The following ZNF146 variants were observed in gnomAD, a reference collection of about 807,000 sequenced individuals.
ZNF146 encodes zinc finger protein OZF.
Under a neutral mutation model 22.2 loss-of-function variants are expected in ZNF146, and 9 were observed. The observed-to-expected ratio is 0.41, with a 90% CI of 0.24 to 0.71. ZNF146 has a LOEUF of 0.71. Ranked by LOEUF, ZNF146 falls within the 30% of genes least tolerant of loss-of-function variation. The probability of loss-of-function intolerance (pLI) is 0.34; values close to 1 mark genes in which losing one functional copy is unlikely to be tolerated. For synonymous variants in ZNF146, 108 were observed against 119.2 expected (o/e 0.91, Z 0.61); for missense variants, 194 against 344.8 (o/e 0.56, Z 3.46).
chr19:36,220,670 A>C (rs933575965), intron 2 of ZNF146, among the ~76,000 whole-genome samples: 6 of 152,140 alleles, frequency 3.9e-5, no homozygotes, highest in Admixed American at 2.6e-4. Flanking sequence ...CCGGCCTCCT[A>C]GTTGTATTTT....
At chr19:36,217,048 T>C (rs2438515) in intron 1 of ZNF146, among the ~76,000 whole-genome samples, 2 of 139,262 alleles carry the variant, frequency 1.4e-5, no homozygotes, top group Admixed American at 7.7e-5. Flanking sequence ...GGACAGCCAG[T>C]CCCTGTCTTT....
At chr19:36,224,091 G>C (rs1409849595) in intron 2 of ZNF146, among the ~76,000 whole-genome samples, 3 of 151,976 alleles carry the variant, frequency 2.0e-5, no homozygotes, top group African/African-American at 7.3e-5. Context: ...TTATTAAAAG[G>C]TCTTACCTGG....
rs559376572 is a variant in ZNF146, at chr19:36,217,903, T to A, written c.-928-219T>A. On this transcript the variant is annotated intron_variant, in intron 1 of 3. Coordinates refer to ENST00000443387, the MANE Select transcript of ZNF146 (RefSeq NM_007145.3). The stretch of plus-strand genomic sequence containing the variant: ...TCCATCTCAAAAAAAAAAAAAAAAA[T>A]TCAAAAGATACATACGAAATAATAA... Among the ~76,000 whole-genome samples the A allele has an allele frequency of 1.8e-3, 248 of 141,306 alleles. 1 individual carries two copies. The highest frequency in any genetic ancestry group is 3.7e-3 in the Middle Eastern group (1 of 272). The allele number at this position is 141,306 out of a possible 152,430, so 92.7% of individuals were successfully genotyped here.
At chr19:36,222,951 G>A (rs1263425576) in intron 2 of ZNF146, among the ~76,000 whole-genome samples, 1 of 151,472 alleles carries the variant, frequency 6.6e-6, no homozygotes, top group Non-Finnish European at 1.5e-5. Flanking sequence ...TGAGCACAGA[G>A]ACATCCCCGC....
At chr19:36,223,168 G>A (rs1286939355) in intron 2 of ZNF146, among the ~76,000 whole-genome samples, 1 of 151,714 alleles carries the variant, frequency 6.6e-6, no homozygotes, top group Non-Finnish European at 1.5e-5. Context: ...TGTAATCCCA[G>A]CACTTTGGGA....
intron 1 of ZNF146, among the ~76,000 whole-genome samples, chr19:36,215,677 CGA>C (rs1976572031): frequency 6.6e-6 from 1 of 151,076 alleles, no homozygotes; most frequent in Non-Finnish European, 1.5e-5. Flanking sequence ...TTTAATTAAA[CGA>C]GAGTGTTTCG....
intron 3 of ZNF146, among the ~76,000 whole-genome samples, chr19:36,235,308 T>G (rs2145464959): frequency 6.6e-6 from 1 of 152,346 alleles, no homozygotes; most frequent in South Asian, 2.1e-4. Context: ...TTGGCAATTC[T>G]TCATTATTTG....
chr19:36,221,736 G>GT (rs370234883), intron 2 of ZNF146, among the ~76,000 whole-genome samples: 24 of 150,004 alleles, frequency 1.6e-4, no homozygotes, highest in Non-Finnish European at 2.7e-4. Flanking sequence ...AACATGTCTT[G>GT]TTTTTTTTTG....
chr19:36,215,401 A>G (rs996758740), intron 1 of ZNF146, among the ~76,000 whole-genome samples: 1 of 151,780 alleles, frequency 6.6e-6, no homozygotes, highest in Non-Finnish European at 1.5e-5. Flanking sequence ...GGGATTGTTG[A>G]GTGAATGTGA....
intron 1 of ZNF146, among the ~76,000 whole-genome samples, chr19:36,216,146 A>AT (rs1363371160): frequency 6.6e-6 from 1 of 152,226 alleles, no homozygotes; most frequent in African/African-American, 2.4e-5. Flanking sequence ...TAATTTACAA[A>AT]TATCAGTTAG....
Position 36,236,490 on chromosome 19 carries a change from C to G in ZNF146, c.50C>G (p.Ala17Gly), listed in dbSNP as rs1977649445. 6.2e-7 allele frequency: 1 copy of G among 1,613,784 alleles called. No individual in the cohort carries two copies. The highest frequency in any genetic ancestry group is 1.1e-5 in the South Asian group (1 of 91,012). Residue 17 changes from alanine to glycine, a missense_variant, in exon 4 of 4, where the codon GCC becomes GGC. Coordinates refer to ENST00000443387, the MANE Select transcript of ZNF146 (RefSeq NM_007145.3). ...ATTTACAGTGGGGAAAACCCCTTTG[C>G]CTGTAAGGTATGTGGAAAAGTCTTC... The part of the protein sequence containing the change: ...QRIYSGENPF[A>G]CKVCGKVFSH...
intron 3 of ZNF146, among the ~76,000 whole-genome samples, chr19:36,235,207 C>CA (rs112972407): frequency 0.1 from 12,415 of 121,446 alleles, 702 homozygotes; most frequent in East Asian, 0.36. Context: ...AATTCCGTCT[C>CA]AAAAAAAAAA....
intron 2 of ZNF146, among the ~76,000 whole-genome samples, chr19:36,222,277 G>T (rs1251595822): frequency 6.6e-6 from 1 of 152,080 alleles, no homozygotes; most frequent in Non-Finnish European, 1.5e-5. Flanking sequence ...TTCAGCTGCT[G>T]TATAAATAAG....
rs548387202 is a variant in ZNF146, at chr19:36,221,445, C to T, written c.-855+3250C>T. 7.9e-5 allele frequency among the ~76,000 whole-genome samples: 12 copies of T among 151,994 alleles called. No individual in the cohort carries two copies. The South Asian group carries it at 1.9e-3, about 24-fold the overall frequency. On this transcript the variant is annotated intron_variant, in intron 2 of 3. Coordinates refer to ENST00000443387, the MANE Select transcript of ZNF146 (RefSeq NM_007145.3). ...CTGGGACTATAGGTGTCAGCCACCA[C>T]GCCCGGCTAATTTTTTGTATTTTTA... is the stretch of plus-strand genomic sequence containing the variant.
intron 1 of ZNF146, among the ~76,000 whole-genome samples, chr19:36,217,511 T>C (rs1174005946): frequency 2.6e-5 from 4 of 152,160 alleles, no homozygotes. Context: ...CTTTATATAC[T>C]GAGACAGAAA....
Position 36,223,342 on chromosome 19 carries a change from C to CAA in ZNF146, c.-855+5161_-855+5162dup, listed in dbSNP as rs375158030. Reference sequence around the variant, plus strand: ...TGGGCAACAGAGTGAGACTCCGTCTCAAAAAAAAAAAAAAATCTAGTTACA... The same window carrying CAA: ...TGGGCAACAGAGTGAGACTCCGTCTCAAAAAAAAAAAAAAAAATCTAGTTACA... On this transcript the variant is annotated intron_variant, in intron 2 of 3. Coordinates refer to ENST00000443387, the MANE Select transcript of ZNF146 (RefSeq NM_007145.3). 6.8e-4 allele frequency among the ~76,000 whole-genome samples: 90 copies of CAA among 131,766 alleles called. 1 individual carries two copies. In the Middle Eastern group the frequency reaches 0.012, roughly 17 times the overall value. 86.4% of individuals were successfully genotyped at this position (131,766 alleles called of 152,430 possible).
intron 2 of ZNF146, among the ~76,000 whole-genome samples, chr19:36,226,186 C>T (rs1255326340): frequency 6.6e-6 from 1 of 152,182 alleles, no homozygotes; most frequent in Non-Finnish European, 1.5e-5. Flanking sequence ...ACTGCCTAAT[C>T]GATCTCTCTG....
chr19:36,236,320 C>A lies in ZNF146; in HGVS notation c.-121C>A. On this transcript the variant is annotated 5_prime_UTR_variant, in exon 4 of 4. Transcript: ENST00000443387. ...CTTACTCTGCATTTGGGAGATCATACACAGAGAAGCCTTATAAATGTAAGA... is the reference window on the plus strand; with the variant it reads ...CTTACTCTGCATTTGGGAGATCATAAACAGAGAAGCCTTATAAATGTAAGA... 3.3e-6 allele frequency: 4 copies of A among 1,202,676 alleles called. No individual in the cohort carries two copies. Among genetic ancestry groups the A allele is most frequent in the African/African-American group, 1.5e-5 (1 of 65,306 alleles). The allele number at this position is 1,202,676 out of a possible 1,614,324, so 74.5% of individuals were successfully genotyped here.
intron 1 of ZNF146, among the ~76,000 whole-genome samples, chr19:36,216,812 C>G (rs896658637): frequency 5.4e-4 from 54 of 100,164 alleles, no homozygotes; most frequent in African/African-American, 2.2e-3. Context: ...GAGATGGGGA[C>G]CCAACACATT....
Sources: allele counts gnomAD v4.1 joint callset (sites outside exome capture counted in the v4.1 genomes callset), GRCh38; gene constraint gnomAD v4.1.1; transcripts MANE v1.5; gene names NCBI Gene and HGNC (gene_info 2026-07-23, HGNC 2026-07-21).